Variants in ZNF735 observed in about 807,000 individuals in gnomAD.
ZNF735 encodes putative zinc finger protein 735.
In ZNF735, 11 loss-of-function variants were observed where a neutral mutation model predicts 13.4. The observed-to-expected ratio is 0.82, with a 90% CI of 0.52 to 1.36. ZNF735 has a LOEUF of 1.36. Ranked by LOEUF, ZNF735 falls within the 40% of genes most tolerant of loss-of-function variation. The pLI is 0.00. For missense variants in ZNF735, 500 were observed against 484.6 expected, an observed-to-expected ratio of 1.03 and a Z score of -0.30; for synonymous variants, 171 against 162.6, an observed-to-expected ratio of 1.05 and a Z score of -0.39.
At position 64,211,695 on chromosome 7, in the gene ZNF735, C is replaced by A. The variant is rs567693003; in HGVS notation, c.40-1397C>A. On this transcript the variant is annotated intron_variant, in intron 1 of 3. Transcript: ENST00000429565. ...CCTGGCCAACCTGGTGAAACCCTGT[C>A]TCTACTAAAAAAATACAAAAAATAG... 2.4e-4 allele frequency among the ~76,000 whole-genome samples: 37 copies of A among 151,648 alleles called. 2 individuals are homozygous for A. The South Asian group carries it at 7.6e-3, about 31-fold the overall frequency.
At position 64,207,248 on chromosome 7, in the gene ZNF735, G is replaced by T; in HGVS notation, c.39+7G>T. 1 of 1,614,194 alleles carries T rather than the reference G, an allele frequency of 6.2e-7. No homozygotes were observed. The highest frequency in any genetic ancestry group is 8.5e-7 in the Non-Finnish European group (1 of 1,180,040). The stretch of plus-strand genomic sequence containing the variant: ...CCCTGGAAGCCGAGAAATGGTGAGT[G>T]CTGGGTCTGTCATCGTGAGAGAGGG... On this transcript the variant is annotated splice_region_variant and intron_variant, in intron 1 of 3. Coordinates refer to ENST00000429565, the Ensembl canonical transcript of ZNF735.
At chr7:64,207,763 CG>C (rs1475129282) in intron 1 of ZNF735, among the ~76,000 whole-genome samples, 4 of 152,034 alleles carry the variant, frequency 2.6e-5, no homozygotes, top group Admixed American at 1.3e-4. Context: ...CCGAGGCGGG[CG>C]GATCACGAGG....
intron 3 of ZNF735, among the ~76,000 whole-genome samples, chr7:64,218,644 C>A (rs187366348): frequency 6.6e-6 from 1 of 151,680 alleles, no homozygotes; most frequent in Non-Finnish European, 1.5e-5. Context: ...AGTTGCTTTT[C>A]GAAAATTTTG....
chr7:64,207,763 C>G (rs372777604), intron 1 of ZNF735, among the ~76,000 whole-genome samples: 3 of 152,034 alleles, frequency 2.0e-5, no homozygotes, highest in Non-Finnish European at 4.4e-5. Flanking sequence ...CCGAGGCGGG[C>G]GGATCACGAG....
At chr7:64,211,001 C>T (rs1787353732) in intron 1 of ZNF735, among the ~76,000 whole-genome samples, 1 of 152,158 alleles carries the variant, frequency 6.6e-6, no homozygotes, top group South Asian at 2.1e-4. Context: ...GAGCAGTGTC[C>T]ACTCTGCCTT....
intron 1 of ZNF735, 39 bp downstream of exon 1, chr7:64,207,280 G>A: frequency 1.2e-6 from 2 of 1,614,166 alleles, no homozygotes; most frequent in Admixed American, 1.7e-5. Context: ...AGGGGTGGGA[G>A]GTGGTTGGAA....
chr7:64,212,511 G>A (rs1326688511), intron 1 of ZNF735, among the ~76,000 whole-genome samples: 2 of 152,146 alleles, frequency 1.3e-5, no homozygotes, highest in South Asian at 2.1e-4. Context: ...AGACATGTCC[G>A]ACCGGGTGAG....
In ZNF735 at chr7:64,219,425, T is replaced by TA. The variant is rs781384768; in HGVS notation, c.381dup (p.Cys128MetfsTer3). ...AAATGTGGACATGAGAATTTACAAT[T>TA]AAAAAAATGTTGTAAAAGAGTAGAT... On this transcript the variant is annotated frameshift_variant, in exon 4 of 4. Coordinates refer to ENST00000429565, the Ensembl canonical transcript of ZNF735. LOFTEE classifies it low-confidence loss of function (END_TRUNC). 4 of 1,613,838 alleles carry TA rather than the reference T, an allele frequency of 2.5e-6. No individual in the cohort carries two copies. The East Asian group carries it at 6.7e-5, about 27-fold the overall frequency.
chr7:64,208,911 T>C (rs558850165), intron 1 of ZNF735, among the ~76,000 whole-genome samples: 19 of 152,380 alleles, frequency 1.2e-4, no homozygotes, highest in African/African-American at 4.3e-4. Context: ...TTCTTTCTTA[T>C]AGCCGCATCA....
chr7:64,214,699 C>A (rs1787399473), intron 3 of ZNF735, among the ~76,000 whole-genome samples: 1 of 151,880 alleles, frequency 6.6e-6, no homozygotes, highest in African/African-American at 2.4e-5. Flanking sequence ...CAGGGTACCT[C>A]ATGTCTTCAT....
At chr7:64,209,351 CTT>C (rs11361388) in intron 1 of ZNF735, among the ~76,000 whole-genome samples, 48 of 143,460 alleles carry the variant, frequency 3.3e-4, no homozygotes, top group Admixed American at 5.6e-4. Flanking sequence ...TTTTGTTGAA[CTT>C]TTTTTTTTTT....
intron 1 of ZNF735, among the ~76,000 whole-genome samples, chr7:64,211,483 C>G (rs1562831993): frequency 1.3e-5 from 2 of 152,120 alleles, no homozygotes; most frequent in Admixed American, 1.3e-4. Context: ...GGGTGCTAAA[C>G]AAAGACTACT....
chr7:64,208,244 G>GTTTTTTT lies in ZNF735; in HGVS notation c.39+1027_39+1033dup, dbSNP rs71060562. Reference sequence around the variant, plus strand: ...TTCAAGATAGTAATCTCCAATAAATGTTTTTTTTTTTTTTTTTTTTTTTTT... The same window carrying GTTTTTTT: ...TTCAAGATAGTAATCTCCAATAAATGTTTTTTTTTTTTTTTTTTTTTTTTTTTTTTTT... On this transcript the variant is annotated intron_variant, in intron 1 of 3. Coordinates refer to ENST00000429565, the Ensembl canonical transcript of ZNF735. 3.0e-3 allele frequency among the ~76,000 whole-genome samples: 281 copies of GTTTTTTT among 93,046 alleles called. 56 individuals carry two copies. Among genetic ancestry groups the GTTTTTTT allele is most frequent in the African/African-American group, 5.0e-3 (120 of 24,058 alleles). 61.0% of individuals were successfully genotyped at this position (93,046 alleles called of 152,430 possible).
chr7:64,214,410 C>T (rs1787395563), intron 3 of ZNF735, among the ~76,000 whole-genome samples: 1 of 152,100 alleles, frequency 6.6e-6, no homozygotes, highest in South Asian at 2.1e-4. Flanking sequence ...GACTACTTTG[C>T]CATTGCTTTT....
At chr7:64,212,071 A>T (rs914496134) in intron 1 of ZNF735, among the ~76,000 whole-genome samples, 2 of 152,086 alleles carry the variant, frequency 1.3e-5, no homozygotes, top group Non-Finnish European at 2.9e-5. Context: ...CATTTTTTCC[A>T]CGATAGAGTT....
At chr7:64,213,265 CTT>C in intron 2 of ZNF735, 47 bp downstream of exon 2, 1 of 1,527,200 alleles carries the variant, frequency 6.5e-7, no homozygotes, top group Non-Finnish European at 8.8e-7. Flanking sequence ...GCCGTTCTCT[CTT>C]TTCTAAGATG....
At chr7:64,207,711 A>T (rs1183492235) in intron 1 of ZNF735, among the ~76,000 whole-genome samples, 1 of 152,114 alleles carries the variant, frequency 6.6e-6, no homozygotes, top group African/African-American at 2.4e-5. Context: ...AGAGCGGGCC[A>T]GGCGCGGTGG....
chr7:64,208,004 C>T (rs961583495), intron 1 of ZNF735, among the ~76,000 whole-genome samples: 11 of 151,608 alleles, frequency 7.3e-5, no homozygotes, highest in Middle Eastern at 3.2e-3. Context: ...AAAAGAAGAA[C>T]CATAGAGCGC....
intron 1 of ZNF735, among the ~76,000 whole-genome samples, chr7:64,207,624 A>T (rs886754812): frequency 1.3e-5 from 2 of 152,118 alleles, no homozygotes; most frequent in African/African-American, 4.8e-5. Flanking sequence ...CTAGTTCCTC[A>T]TTTTTCCTTT....
Sources: gnomAD v4.1 joint callset for allele counts (sites outside exome capture counted in the v4.1 genomes callset) on GRCh38, gnomAD v4.1.1 for gene constraint, MANE v1.5 for transcripts, NCBI Gene and HGNC (gene_info 2026-07-23, HGNC 2026-07-21) for gene names.